The following THYN1 variants were observed in gnomAD, a reference collection of about 807,000 sequenced individuals.
THYN1 encodes thymocyte nuclear protein 1.
In THYN1, 32 loss-of-function variants were observed where a neutral mutation model predicts 30.6. The observed-to-expected ratio is 1.05, with a 90% CI of 0.79 to 1.40. The LOEUF is 1.40. Among genes scored for constraint, THYN1 ranks in the 40% most tolerant of loss-of-function variants. The pLI is 0.00. For synonymous variants in THYN1, 107 were observed against 90.8 expected, an observed-to-expected ratio of 1.18 and a Z score of -1.01; for missense variants, 259 against 272.6, an observed-to-expected ratio of 0.95 and a Z score of 0.35.
chr11:134,250,131 TAAG>T, intron 3 of THYN1, 141 bp downstream of exon 3: 1 of 1,001,048 alleles, frequency 1.0e-6, no homozygotes, highest in Non-Finnish European at 1.5e-6. Context: ...GCAGAGTACT[TAAG>T]GCATTTTTTA....
rs1645663354 is a variant in THYN1, at chr11:134,249,252, T to A, written c.395A>T (p.Glu132Val). 1.9e-6 allele frequency: 3 copies of A among 1,614,234 alleles called. No individual in the cohort carries two copies. Among genetic ancestry groups the A allele is most frequent in the Non-Finnish European group, 2.5e-6 (3 of 1,180,042 alleles). Reference sequence around the variant, plus strand: ...AAACTGTGTGTGGTCTGGGTAAGCCTCTTTCACGATCTGAAACCAAAACAA... The same window carrying A: ...AAACTGTGTGTGGTCTGGGTAAGCCACTTTCACGATCTGAAACCAAAACAA... ...GIAGLMKIVK[E>V]AYPDHTQFEK... The change falls in exon 5 of 7, where the codon GAG (glutamate) becomes GTG (valine). Residue 132 changes from glutamate to valine, a missense_variant. Glu to Val is a moderately radical substitution (Grantham distance 121). Transcript: ENST00000341541.
In THYN1 at chr11:134,251,308, T is replaced by C; in HGVS notation, c.44A>G (p.Asp15Gly). 6.2e-7 allele frequency: 1 copy of C among 1,608,908 alleles called. No individual in the cohort carries two copies. The highest frequency in any genetic ancestry group is 8.5e-7 in the Non-Finnish European group (1 of 1,178,418). Residue 15 changes from aspartate (D) to glycine (G), a missense_variant and splice_region_variant, in exon 2 of 7, where the codon GAC becomes GGC. By Grantham distance (94) the Asp-to-Gly change is moderately conservative. Coordinates refer to ENST00000341541, the MANE Select transcript of THYN1 (RefSeq NM_014174.3). Reference protein sequence around the residue: ...RKRLAGTSGSDKGLSGKRTKT... With the variant: ...RKRLAGTSGSGKGLSGKRTKT... ...GGTGCGTTTTCCTGATAGTCCCTTG[T>C]CTGCAATAGGAGAAGCAAAAAGAAA...
chr11:134,253,350 T>C lies in THYN1; in HGVS notation c.-468A>G, dbSNP rs1939222716. 7 of 1,412,716 alleles carry C rather than the reference T, an allele frequency of 5.0e-6. No individual in the cohort carries two copies. The highest frequency in any genetic ancestry group is 2.8e-6 in the Non-Finnish European group (3 of 1,085,232). 87.5% of individuals were successfully genotyped at this position (1,412,716 alleles called of 1,614,324 possible). ...TCCGCCTCCGCTGCGCCGCAGGCTG[T>C]GCAGCGCGACCCCCGCGGCGCTTGG... On this transcript the variant is annotated 5_prime_UTR_variant, in exon 1 of 7. Coordinates refer to ENST00000341541, the MANE Select transcript of THYN1 (RefSeq NM_014174.3).
intron 1 of THYN1, 69 bp downstream of exon 1, chr11:134,252,771 A>T: frequency 2.6e-6 from 4 of 1,557,654 alleles, no homozygotes; most frequent in Non-Finnish European, 2.6e-6. Flanking sequence ...GTGAAAAATG[A>T]GTACTAAACA....
Position 134,248,860 on chromosome 11 carries a change from T to G in THYN1, c.580A>C (p.Asn194His). ...AHKATGGPLK[N>H]MVLFTRQRLS... is the part of the protein sequence containing the mutation. ...CTCTGGCGAGTGAAGAGAACCATAT[T>G]TTTTAAGGGGCCACCAGTAGCTTTG... is the stretch of plus-strand genomic sequence containing the variant. The change falls in exon 6 of 7, where the codon AAT (asparagine) becomes CAT (histidine). Residue 194 changes from asparagine to histidine, a missense_variant. Asn to His is a moderately conservative substitution (Grantham distance 68). Transcript: ENST00000341541. 1 of 1,614,196 alleles carries G rather than the reference T, an allele frequency of 6.2e-7. No individual in the cohort carries two copies. Among genetic ancestry groups the G allele is most frequent in the African/African-American group, 1.3e-5 (1 of 75,044 alleles).
chr11:134,253,113 G>C lies in THYN1; in HGVS notation c.-231C>G, dbSNP rs1026429664. 2 of 1,368,984 alleles carry C rather than the reference G, an allele frequency of 1.5e-6. No individual in the cohort carries two copies. Among genetic ancestry groups the C allele is most frequent in the Admixed American group, 3.5e-5 (1 of 28,176 alleles). 84.8% of individuals were successfully genotyped at this position (1,368,984 alleles called of 1,614,324 possible). On this transcript the variant is annotated 5_prime_UTR_variant, in exon 1 of 7. Transcript: ENST00000341541. ...CATAACCTGCCCCTAAACTCTTCTC[G>C]GTTCTGTCCTTGGTCCTTCTCATCC...
At chr11:134,250,400 C>T (rs1435512125) in intron 2 of THYN1, 57 bp from the exon 3 acceptor site, 9 of 1,588,838 alleles carry the variant, frequency 5.7e-6, no homozygotes, top group Admixed American at 1.7e-5. Flanking sequence ...TTAGTAAGCA[C>T]ATATGGAAGC....
Position 134,249,917 on chromosome 11 carries a change from G to T in THYN1, c.295C>A (p.Arg99=), listed in dbSNP as rs749920385. 2.5e-6 allele frequency: 4 copies of T among 1,613,270 alleles called. No individual in the cohort carries two copies. In the Admixed American group the frequency reaches 6.7e-5, roughly 27 times the overall value. ...CWDGVRNYQA[R]NFLRAMKLGE... ...AGCTTCATGGCTCTAAGGAAGTTCC[G>T]AGCCTGTCCCGGGAGAAGAAAGAGT... Residue 99 remains arginine (R), a synonymous_variant, in exon 4 of 7, where the codon CGG becomes AGG. Transcript: ENST00000341541.
intron 2 of THYN1, 132 bp downstream of exon 2, chr11:134,250,998 G>T: frequency 9.0e-7 from 1 of 1,106,076 alleles, no homozygotes; most frequent in Non-Finnish European, 1.2e-6. Flanking sequence ...AAACCCTGCC[G>T]ATTTTATTCA....
chr11:134,251,331 A>G lies in THYN1; in HGVS notation c.44-23T>C, dbSNP rs746663108. The G allele has an allele frequency of 2.5e-6, 4 of 1,593,076 alleles. No homozygotes were observed. The Admixed American group carries it at 5.4e-5, about 22-fold the overall frequency. On this transcript the variant is annotated intron_variant, in intron 1 of 6. Coordinates refer to ENST00000341541, the MANE Select transcript of THYN1 (RefSeq NM_014174.3). Reference sequence around the variant, plus strand: ...TGTCTGCAATAGGAGAAGCAAAAAGAAAAGATCATGCTTGTTAAAGGCAAT... The same window carrying G: ...TGTCTGCAATAGGAGAAGCAAAAAGGAAAGATCATGCTTGTTAAAGGCAAT...
At position 134,251,289 on chromosome 11, in the gene THYN1, T is replaced by C. The variant is rs1939038117; in HGVS notation, c.63A>G (p.Lys21=). 3 of 1,612,388 alleles carry C rather than the reference T, an allele frequency of 1.9e-6. No homozygotes were observed. Among genetic ancestry groups the C allele is most frequent in the Non-Finnish European group, 2.5e-6 (3 of 1,179,494 alleles). Residue 21 remains lysine, a synonymous_variant, in exon 2 of 7, where the codon AAA becomes AAG. Coordinates refer to ENST00000341541, the MANE Select transcript of THYN1 (RefSeq NM_014174.3). ...CACCTGAGTTCTCAGTTTTGGTGCG[T>C]TTTCCTGATAGTCCCTTGTCTGCAA... ...TSGSDKGLSG[K]RTKTENSGEA...
In THYN1 at chr11:134,253,158, T is replaced by C; in HGVS notation, c.-276A>G. 2 of 1,351,222 alleles carry C rather than the reference T, an allele frequency of 1.5e-6. No individual in the cohort carries two copies. Among genetic ancestry groups the C allele is most frequent in the African/African-American group, 1.5e-5 (1 of 66,478 alleles). 83.7% of individuals were successfully genotyped at this position (1,351,222 alleles called of 1,614,324 possible). A position where few individuals can be genotyped will look rare whatever the true frequency, so the allele number is the denominator to read the frequency against. On this transcript the variant is annotated 5_prime_UTR_variant, in exon 1 of 7. Coordinates refer to ENST00000341541, the MANE Select transcript of THYN1 (RefSeq NM_014174.3). The stretch of plus-strand genomic sequence containing the variant: ...TCATCCAGGAACCCCTATCTCAGTA[T>C]GTAGTTCACTGGGAAGTGGCTCCAC...
At chr11:134,250,412 G>C in intron 2 of THYN1, 69 bp from the exon 3 acceptor site, 1 of 1,561,004 alleles carries the variant, frequency 6.4e-7, no homozygotes, top group South Asian at 1.1e-5. Flanking sequence ...TATGGAAGCA[G>C]ACAGTTCCTT....
In THYN1 at chr11:134,251,315, T is replaced by C. The variant is rs138169774; in HGVS notation, c.44-7A>G. On this transcript the variant is annotated splice_polypyrimidine_tract_variant and splice_region_variant and intron_variant, in intron 1 of 6. Coordinates refer to ENST00000341541, the MANE Select transcript of THYN1 (RefSeq NM_014174.3). ...TTTCCTGATAGTCCCTTGTCTGCAA[T>C]AGGAGAAGCAAAAAGAAAAGATCAT... is the stretch of plus-strand genomic sequence containing the variant. The C allele has an allele frequency of 1.2e-5, 19 of 1,597,756 alleles. No individual in the cohort carries two copies. The Admixed American group carries it at 1.4e-4, about 12-fold the overall frequency.
In THYN1 at chr11:134,248,383, A is replaced by G; in HGVS notation, c.*55T>C. 2 of 1,611,068 alleles carry G rather than the reference A, an allele frequency of 1.2e-6. No individual in the cohort carries two copies. The highest frequency in any genetic ancestry group is 1.7e-6 in the Non-Finnish European group (2 of 1,177,162). On this transcript the variant is annotated 3_prime_UTR_variant, in exon 7 of 7. Transcript: ENST00000341541. ...AGCCCCCTCACACCTTTTGTCTGAA[A>G]AAAGCTTGACTTCTTTGCAGCAATG...
In THYN1 at chr11:134,252,835, C is replaced by T. The variant is rs1312744778; in HGVS notation, c.43+5G>A. The T allele has an allele frequency of 4.3e-6, 7 of 1,613,316 alleles. No individual in the cohort carries two copies. The highest frequency in any genetic ancestry group is 5.1e-6 in the Non-Finnish European group (6 of 1,179,832). On this transcript the variant is annotated splice_donor_5th_base_variant and intron_variant, in intron 1 of 6. Coordinates refer to ENST00000341541, the MANE Select transcript of THYN1 (RefSeq NM_014174.3). Reference sequence around the variant, plus strand: ...CTGCCTTTGTGCAGCCTAGGGGCAGCTCACCTGAACCAGAAGTCCCAGCCA... The same window carrying T: ...CTGCCTTTGTGCAGCCTAGGGGCAGTTCACCTGAACCAGAAGTCCCAGCCA...
rs1419433677 is a variant in THYN1, at chr11:134,250,274, C to T, written c.291+1G>A. 6.2e-7 allele frequency: 1 copy of T among 1,614,170 alleles called. No individual in the cohort carries two copies. Among genetic ancestry groups the T allele is most frequent in the Admixed American group, 1.7e-5 (1 of 60,026 alleles). ...AGGCGACCTCCTCCTTACCCTCTTA[C>T]CTGGTAGTTACGAACACCATCCCAG... On this transcript the variant is annotated splice_donor_variant, in intron 3 of 6. Transcript: ENST00000341541. LOFTEE classifies it high-confidence loss of function.
At position 134,252,905 on chromosome 11, in the gene THYN1, G is replaced by A; in HGVS notation, c.-23C>T. On this transcript the variant is annotated 5_prime_UTR_variant, in exon 1 of 7. Transcript: ENST00000341541. ...CATGGTCACGCTGCAGGGGACTTTA[G>A]TGCGGACGATTCTGGAATCAACGGA... The A allele has an allele frequency of 2.5e-6, 4 of 1,573,984 alleles. No individual in the cohort carries two copies. In the South Asian group the frequency reaches 3.5e-5, roughly 14 times the overall value.
intron 3 of THYN1, 91 bp downstream of exon 3, chr11:134,250,184 G>A: frequency 6.8e-7 from 1 of 1,464,208 alleles, no homozygotes; most frequent in Non-Finnish European, 9.5e-7. Context: ...AGCAACCTTG[G>A]CCAAGAGGTT....
Sources: gnomAD v4.1 joint callset for allele counts on GRCh38, gnomAD v4.1.1 for gene constraint, MANE v1.5 for transcripts, NCBI Gene and HGNC (gene_info 2026-07-23, HGNC 2026-07-21) for gene names.